LDLRAP1: variants seen among roughly 807,000 people sequenced by gnomAD.
LDLRAP1 encodes low density lipoprotein receptor adaptor protein 1, also known as low density lipoprotein receptor adapter protein 1.
A neutral mutation model predicts 37.8 loss-of-function variants in LDLRAP1; 30 were observed. The observed-to-expected ratio is 0.79, with a 90% CI of 0.59 to 1.08. The LOEUF (loss-of-function observed/expected upper bound fraction) is 1.08, where lower values mean the gene tolerates loss of function less well. Ranked by LOEUF, LDLRAP1 falls within the 50% of genes least tolerant of loss-of-function variation. LDLRAP1 has a pLI of 0.00. For missense variants in LDLRAP1, 375 were observed against 401.6 expected, an observed-to-expected ratio of 0.93 and a Z score of 0.57; for synonymous variants, 156 against 169.8, an observed-to-expected ratio of 0.92 and a Z score of 0.63.
At chr1:25,564,041 C>T (rs2044416620) in intron 7 of LDLRAP1, 2 of 543,162 alleles carry the variant, frequency 3.7e-6, no homozygotes, top group Non-Finnish European at 6.7e-6. Flanking sequence ...TTGGCCTGAG[C>T]GTCCACGGCT....
At chr1:25,546,850 C>T (rs572238682) in intron 1 of LDLRAP1, among the ~76,000 whole-genome samples, 1 of 151,672 alleles carries the variant, frequency 6.6e-6, no homozygotes, top group Non-Finnish European at 1.5e-5. Flanking sequence ...TTAAGCTCAT[C>T]AGCTATCATT....
At chr1:25,565,305 A>G (rs1271916335) in intron 8 of LDLRAP1, 98 bp downstream of exon 8, 3 of 1,333,308 alleles carry the variant, frequency 2.3e-6, no homozygotes, top group African/African-American at 1.4e-5. Flanking sequence ...TAAGAACACA[A>G]GCCACTCAGA....
chr1:25,562,136 G>A (rs915491099), intron 4 of LDLRAP1, among the ~76,000 whole-genome samples: 1 of 152,168 alleles, frequency 6.6e-6, no homozygotes, highest in African/African-American at 2.4e-5. Context: ...TCCAGTTATG[G>A]TCCCAACCGG....
At chr1:25,552,329 G>C (rs947396511) in intron 1 of LDLRAP1, among the ~76,000 whole-genome samples, 2 of 152,204 alleles carry the variant, frequency 1.3e-5, no homozygotes, top group African/African-American at 4.8e-5. Context: ...TCTTCCTGTG[G>C]CTTTTCAATC....
chr1:25,575,996 A>G, the LDLRAP1 span, among the ~76,000 whole-genome samples: 1 of 151,914 alleles, frequency 6.6e-6, no homozygotes, highest in African/African-American at 2.4e-5. Flanking sequence ...CGGGAGGCCA[A>G]GGTGAGCGGA....
chr1:25,565,331 C>T (rs1198705816), intron 8 of LDLRAP1, 124 bp downstream of exon 8: 2 of 1,045,740 alleles, frequency 1.9e-6, no homozygotes, highest in Non-Finnish European at 3.0e-6. Context: ...TCCAGAGCAA[C>T]AGTCCCATCC....
chr1:25,563,831 C>T, intron 7 of LDLRAP1, 40 bp downstream of exon 7: 6 of 1,612,304 alleles, frequency 3.7e-6, no homozygotes, highest in Non-Finnish European at 5.1e-6. Flanking sequence ...GATCCTCAGC[C>T]TGACCTCTGG....
chr1:25,575,421 A>C, the LDLRAP1 span, among the ~76,000 whole-genome samples: 1 of 76,558 alleles, frequency 1.3e-5, no homozygotes, highest in Non-Finnish European at 2.8e-5. Context: ...CCCTGTCTCT[A>C]CTAAAAAAAA....
At chr1:25,545,519 T>A (rs2043912644) in intron 1 of LDLRAP1, among the ~76,000 whole-genome samples, 1 of 152,172 alleles carries the variant, frequency 6.6e-6, no homozygotes, top group African/African-American at 2.4e-5. Flanking sequence ...TCTCCCCTGC[T>A]CCTCTTCCCC....
Position 25,563,132 on chromosome 1 carries a change from T to C in LDLRAP1, c.595T>C (p.Cys199Arg), listed in dbSNP as rs1222505422. The C allele has an allele frequency of 1.2e-6, 2 of 1,613,924 alleles. No homozygotes were observed. Among genetic ancestry groups the C allele is most frequent in the Admixed American group, 1.7e-5 (1 of 60,014 alleles). The change falls in exon 6 of 9, where the codon TGC becomes CGC. Residue 199 changes from cysteine to arginine, a missense_variant. By Grantham distance (180) the Cys-to-Arg change is radical (BLOSUM62 -3). Coordinates refer to ENST00000374338, the MANE Select transcript of LDLRAP1 (RefSeq NM_015627.3). ...GGACGTCCTGGGGGCCCGCCAAGAC[T>C]GCACCCCCTCCTTGAAGAGCTGTGA... Reference protein sequence around the residue: ...GGDVLGARQDCTPSLKSLVAT... With the variant: ...GGDVLGARQDRTPSLKSLVAT...
At chr1:25,552,379 C>T (rs1286949225) in intron 1 of LDLRAP1, among the ~76,000 whole-genome samples, 1 of 152,194 alleles carries the variant, frequency 6.6e-6, no homozygotes, top group African/African-American at 2.4e-5. Flanking sequence ...GTAGGGAGGG[C>T]CCAGGACATC....
chr1:25,586,247 CG>C, the LDLRAP1 span, among the ~76,000 whole-genome samples: 1 of 152,166 alleles, frequency 6.6e-6, no homozygotes, highest in African/African-American at 2.4e-5. This position sits in a 1 kb window ranked among gnomAD's most constrained non-coding sequence, Gnocchi z 4.3. Flanking sequence ...GAAGAGAAAG[CG>C]CGACCAAGAA....
rs190456805 is a variant in LDLRAP1 at position 25,567,528 on chromosome 1, G to A, written c.*536G>A. 27 of 228,784 alleles carry A rather than the reference G, an allele frequency of 1.2e-4. No individual in the cohort carries two copies. Among genetic ancestry groups the A allele is most frequent in the East Asian group, 5.3e-4 (4 of 7,604 alleles). The allele number at this position is 228,784 out of a possible 1,614,324, so 14.2% of individuals were successfully genotyped here. On this transcript the variant is annotated 3_prime_UTR_variant, in exon 9 of 9. Transcript: ENST00000374338. Reference sequence around the variant, plus strand: ...TCTGCTTCCTCAGGGCCCAGCAGGCGGGGGTTTGAGCCCTGGACCCCAGGC... The same window carrying A: ...TCTGCTTCCTCAGGGCCCAGCAGGCAGGGGTTTGAGCCCTGGACCCCAGGC...
intron 1 of LDLRAP1, among the ~76,000 whole-genome samples, chr1:25,545,436 T>A (rs2043911111): frequency 6.6e-6 from 1 of 152,212 alleles, no homozygotes; most frequent in South Asian, 2.1e-4. Context: ...AACATGGGGA[T>A]AAAAACTCTT....
chr1:25,582,626 C>T, the LDLRAP1 span, among the ~76,000 whole-genome samples: 1 of 151,628 alleles, frequency 6.6e-6, no homozygotes, highest in Non-Finnish European at 1.5e-5. Context: ...TTAAAGTATA[C>T]AGTTCAATGG....
At chr1:25,545,210 C>A (rs1212027246) in intron 1 of LDLRAP1, among the ~76,000 whole-genome samples, 1 of 152,106 alleles carries the variant, frequency 6.6e-6, no homozygotes, top group East Asian at 1.9e-4. Context: ...TGCGGGTTTT[C>A]TCCAGGAATG....
Position 25,568,454 on chromosome 1 carries a change from C to T in LDLRAP1, c.*1462C>T, listed in dbSNP as rs1431651885. The T allele has an allele frequency of 3.3e-5, 5 of 152,272 alleles. No individual in the cohort carries two copies. Among genetic ancestry groups the T allele is most frequent in the Non-Finnish European group, 7.3e-5 (5 of 68,056 alleles). 9.4% of individuals were successfully genotyped at this position (152,272 alleles called of 1,614,324 possible). On this transcript the variant is annotated 3_prime_UTR_variant, in exon 9 of 9. Transcript: ENST00000374338. Reference sequence around the variant, plus strand: ...ATCTTTTCCATCCTGAGGTGCCTCCCAGTGGCCTGGCTTGTCGGAGCAAGT... The same window carrying T: ...ATCTTTTCCATCCTGAGGTGCCTCCTAGTGGCCTGGCTTGTCGGAGCAAGT...
At position 25,566,921 on chromosome 1, in the gene LDLRAP1, T is replaced by C. The variant is rs2044498563; in HGVS notation, c.856T>C (p.Cys286Arg). 2.5e-6 allele frequency: 4 copies of C among 1,613,568 alleles called. No individual in the cohort carries two copies. The highest frequency in any genetic ancestry group is 3.4e-6 in the Non-Finnish European group (4 of 1,179,986). The change falls in exon 9 of 9, where the codon TGC (cysteine) becomes CGC (arginine). Residue 286 changes from cysteine (C) to arginine (R), a missense_variant. Transcript: ENST00000374338. The stretch of plus-strand genomic sequence containing the variant: ...AGCCCAGGACATGCATTACGCCCAG[T>C]GCCTCTCGCCTGTCGACTGGGACAA... ...LTAQDMHYAQ[C>R]LSPVDWDKPD...
At chr1:25,569,477 A>T (rs1404480944), downstream of LDLRAP1, among the ~76,000 whole-genome samples, 1 of 152,030 alleles carries the variant, frequency 6.6e-6, no homozygotes, top group Non-Finnish European at 1.5e-5. Flanking sequence ...AGGCTGTGAC[A>T]CTTGATCAGT....
Sources: gnomAD v4.1 joint callset for allele counts (sites outside exome capture counted in the v4.1 genomes callset) on GRCh38, gnomAD v4.1.1 for gene constraint, Gnocchi (gnomAD v3.1) non-coding constraint, MANE v1.5 for transcripts, NCBI Gene and HGNC (gene_info 2026-07-23, HGNC 2026-07-21) for gene names.